ASXL2: variants seen among roughly 807,000 people sequenced by gnomAD.
ASXL2 encodes putative Polycomb group protein ASXL2.
In ASXL2, 23 loss-of-function variants were observed where a neutral mutation model predicts 122.0. That is an observed-to-expected ratio of 0.19 (90% CI 0.14 to 0.27). The LOEUF is 0.27. Ranked by LOEUF, ASXL2 falls within the 10% of genes least tolerant of loss-of-function variation. The pLI is 1.00. For missense variants in ASXL2, 1,518 were observed against 1,713.8 expected (o/e 0.89, Z 2.02); for synonymous variants, 650 against 637.0 (o/e 1.02, Z -0.31).
intron 4 of ASXL2, among the ~76,000 whole-genome samples, chr2:25,800,240 G>C (rs2088974890): frequency 6.6e-6 from 1 of 152,178 alleles, no homozygotes; most frequent in Admixed American, 6.6e-5. Flanking sequence ...TGAGGCTGCA[G>C]TGAGCTGTGA....
intron 1 of ASXL2, among the ~76,000 whole-genome samples, chr2:25,865,997 C>G (rs1219428088): frequency 1.3e-5 from 2 of 152,052 alleles, no homozygotes; most frequent in Non-Finnish European, 2.9e-5. Context: ...CAGCTGTGAC[C>G]TTTACTTGGT....
intron 3 of ASXL2, among the ~76,000 whole-genome samples, chr2:25,825,673 G>T (rs7581255): frequency 0.75 from 113,568 of 152,026 alleles, 43,911 homozygotes; most frequent in Non-Finnish European, 0.83. Flanking sequence ...ATTTTGTTCA[G>T]CCATCCATCC....
At chr2:25,765,576 T>C (rs896005538) in intron 8 of ASXL2, among the ~76,000 whole-genome samples, 24 of 152,198 alleles carry the variant, frequency 1.6e-4, no homozygotes, top group African/African-American at 5.5e-4. Context: ...TGAAAGAAGA[T>C]GGACTTCTGC....
chr2:25,809,642 C>CA (rs1261526551), intron 3 of ASXL2, among the ~76,000 whole-genome samples: 6 of 152,036 alleles, frequency 3.9e-5, no homozygotes, highest in Non-Finnish European at 8.8e-5. Flanking sequence ...TATAAAACAA[C>CA]AAAAAAGGTA....
At chr2:25,863,475 G>C (rs2089862861) in intron 1 of ASXL2, among the ~76,000 whole-genome samples, 1 of 150,558 alleles carries the variant, frequency 6.6e-6, no homozygotes, top group Non-Finnish European at 1.5e-5. Flanking sequence ...GGTAGATCAT[G>C]AGGTCAGCAG....
chr2:25,801,481 T>C (rs1020949506), intron 4 of ASXL2, among the ~76,000 whole-genome samples: 1 of 152,244 alleles, frequency 6.6e-6, no homozygotes, highest in East Asian at 1.9e-4. Context: ...CCGTCTCTTA[T>C]GTTATACACT....
chr2:25,872,295 T>A (rs961414762), intron 1 of ASXL2, among the ~76,000 whole-genome samples: 2 of 151,900 alleles, frequency 1.3e-5, no homozygotes, highest in African/African-American at 4.8e-5. Flanking sequence ...GGCAAGAGGA[T>A]CCCTTGAGCC....
intron 6 of ASXL2, among the ~76,000 whole-genome samples, chr2:25,769,347 C>T (rs2088407591): frequency 6.6e-6 from 1 of 152,140 alleles, no homozygotes; most frequent in African/African-American, 2.4e-5. Context: ...ACGCAGGCTT[C>T]AGAGATACAA....
At chr2:25,763,676 C>T (rs1191305596) in intron 8 of ASXL2, among the ~76,000 whole-genome samples, 1 of 152,114 alleles carries the variant, frequency 6.6e-6, no homozygotes, top group Admixed American at 6.5e-5. Flanking sequence ...ATAGGGCTTC[C>T]TAAGTGCCAG....
At chr2:25,848,116 T>C (rs1366207395) in intron 1 of ASXL2, among the ~76,000 whole-genome samples, 1 of 152,182 alleles carries the variant, frequency 6.6e-6, no homozygotes, top group African/African-American at 2.4e-5. Flanking sequence ...TTAATAAATA[T>C]TTCTAGAGTG....
Position 25,744,417 on chromosome 2 carries a change from A to G in ASXL2, c.1920T>C (p.Ala640=). 6.2e-7 allele frequency: 1 copy of G among 1,613,478 alleles called. No individual in the cohort carries two copies. The highest frequency in any genetic ancestry group is 8.5e-7 in the Non-Finnish European group (1 of 1,179,798). The change falls in exon 13 of 13, where the codon GCT becomes GCC. Residue 640 remains alanine, a synonymous_variant. Transcript: ENST00000435504. The surrounding 1 kb of genome is among the most constrained non-coding windows in gnomAD (Gnocchi z 4.7). ...PFHPSQVSPR[A]RFPVSITSPN... Reference sequence around the variant, plus strand: ...GACTAGTGATGGAGACTGGAAAACGAGCCCTGGGAGAGACCTGCGATGGAT... The same window carrying G: ...GACTAGTGATGGAGACTGGAAAACGGGCCCTGGGAGAGACCTGCGATGGAT...
intron 1 of ASXL2, among the ~76,000 whole-genome samples, chr2:25,863,339 A>C (rs1188680431): frequency 6.6e-6 from 1 of 150,708 alleles, no homozygotes; most frequent in Non-Finnish European, 1.5e-5. Flanking sequence ...CAAAAAAAAA[A>C]AAAAATTCTC....
chr2:25,812,658 T>C (rs2089186314), intron 3 of ASXL2, among the ~76,000 whole-genome samples: 1 of 152,098 alleles, frequency 6.6e-6, no homozygotes, highest in African/African-American at 2.4e-5. Context: ...GATGCAACAA[T>C]CCCACTTGAA....
At position 25,742,852 on chromosome 2, in the gene ASXL2, C is replaced by A. The variant is rs1574389707; in HGVS notation, c.3485G>T (p.Gly1162Val). The change falls in exon 13 of 13, where the codon GGA becomes GTA. Residue 1162 changes from glycine (G) to valine (V), a missense_variant. Physicochemically the swap from Gly to Val is moderately radical, Grantham distance 109. Around this residue, in one of 8 missense-constraint regions of ASXL2, gnomAD observed 831 missense variants for 833.1 expected, o/e 1.00. Transcript: ENST00000435504. Reference sequence around the variant, plus strand: ...TGTTGCATTTTTACAGTCTGTATATCCCATTTTCAAGGCTTCAGTGGGGCT... The same window carrying A: ...TGTTGCATTTTTACAGTCTGTATATACCATTTTCAAGGCTTCAGTGGGGCT... ...LSSPTEALKM[G>V]YTDCKNATGE... The A allele has an allele frequency of 6.2e-7, 1 of 1,613,998 alleles. No individual in the cohort carries two copies. The highest frequency in any genetic ancestry group is 2.2e-5 in the East Asian group (1 of 44,878).
At position 25,855,878 on chromosome 2, in the gene ASXL2, A is replaced by AATGC. The variant is rs1445340137; in HGVS notation, c.58-10319_58-10316dup. On this transcript the variant is annotated intron_variant, in intron 1 of 12. Transcript: ENST00000435504. ...AGAGAGACAGAAACACAATCTTGATAATGCATTTATTTATTTATTTATTTA... is the reference window on the plus strand; with the variant it reads ...AGAGAGACAGAAACACAATCTTGATAATGCATGCATTTATTTATTTATTTATTTA... Among the ~76,000 whole-genome samples the AATGC allele has an allele frequency of 1.5e-4, 17 of 113,366 alleles. 1 individual carries two copies. Among genetic ancestry groups the AATGC allele is most frequent in the Middle Eastern group, 5.1e-3 (1 of 198 alleles). The allele number at this position is 113,366 out of a possible 152,430, so 74.4% of individuals were successfully genotyped here.
intron 5 of ASXL2, among the ~76,000 whole-genome samples, chr2:25,791,212 G>T (rs2088827909): frequency 6.6e-6 from 1 of 151,948 alleles, no homozygotes; most frequent in African/African-American, 2.4e-5. Flanking sequence ...TGTGAGGCCG[G>T]GCGTGGAGGC....
intron 5 of ASXL2, among the ~76,000 whole-genome samples, chr2:25,775,257 A>T (rs1040988401): frequency 4.6e-5 from 7 of 152,078 alleles, no homozygotes; most frequent in African/African-American, 1.5e-4. Context: ...CCTCCTGAGT[A>T]GCTAGGATTA....
At chr2:25,786,909 A>G (rs1258465484) in intron 5 of ASXL2, among the ~76,000 whole-genome samples, 1 of 152,004 alleles carries the variant, frequency 6.6e-6, no homozygotes, top group Non-Finnish European at 1.5e-5. Context: ...AAGGTAGAGA[A>G]TGAAAAGGAT....
chr2:25,802,628 G>GT (rs1409204480), intron 4 of ASXL2, among the ~76,000 whole-genome samples: 1 of 152,040 alleles, frequency 6.6e-6, no homozygotes, highest in Non-Finnish European at 1.5e-5. Context: ...CTTCCTCTTG[G>GT]TGAGCTACTG....
Sources: allele counts gnomAD v4.1 joint callset (sites outside exome capture counted in the v4.1 genomes callset), GRCh38; gene constraint gnomAD v4.1.1; regional missense constraint gnomAD v4.1.1; non-coding constraint Gnocchi (gnomAD v3.1); transcripts MANE v1.5; gene names NCBI Gene and HGNC (gene_info 2026-07-23, HGNC 2026-07-21).